The following CIT variants were observed in gnomAD, a reference collection of about 807,000 sequenced individuals.
The protein encoded by CIT is citron Rho-interacting kinase.
CIT carries 79 observed loss-of-function variants against 272.7 expected under a neutral mutation model. The observed-to-expected ratio is 0.29, with a 90% CI of 0.24 to 0.35. The LOEUF is 0.35. Ranked by LOEUF, CIT falls within the 10% of genes least tolerant of loss-of-function variation. The probability of loss-of-function intolerance (pLI) is 1.00; values close to 1 mark genes in which losing one functional copy is unlikely to be tolerated. For synonymous variants in CIT, 948 were observed against 995.6 expected (o/e 0.95, Z 0.90); for missense variants, 1,909 against 2,618.3 (o/e 0.73, Z 5.91).
chr12:119,849,932 C>T (rs1393377899), intron 5 of CIT, among the ~76,000 whole-genome samples: 2 of 152,162 alleles, frequency 1.3e-5, no homozygotes, highest in South Asian at 2.1e-4. Context: ...GTGATCCACC[C>T]GCCTCGGCCT....
chr12:119,862,944 G>A (rs1305696469), intron 3 of CIT, among the ~76,000 whole-genome samples: 1 of 143,246 alleles, frequency 7.0e-6, no homozygotes, highest in African/African-American at 2.6e-5. Flanking sequence ...ACTCACACCT[G>A]TAATCTCAGC....
Position 119,845,943 on chromosome 12 carries a change from A to AACACACACACACAC in CIT, c.516+4217_516+4230dup, listed in dbSNP as rs58381184. On this transcript the variant is annotated intron_variant, in intron 5 of 47. Coordinates refer to ENST00000392521, the MANE Select transcript of CIT (RefSeq NM_001206999.2). ...GCAACACGGCAAGACTCCATCTCAAAACACACACACACACACACACACACA... is the reference window on the plus strand; with the variant it reads ...GCAACACGGCAAGACTCCATCTCAAAACACACACACACACACACACACACACACACACACACACA... Among the ~76,000 whole-genome samples, 220 of 137,042 alleles carry AACACACACACACAC rather than the reference A, an allele frequency of 1.6e-3. 1 individual carries two copies. The highest frequency in any genetic ancestry group is 5.8e-3 in the African/African-American group (208 of 35,874). 89.9% of individuals were successfully genotyped at this position (137,042 alleles called of 152,430 possible).
intron 29 of CIT, among the ~76,000 whole-genome samples, chr12:119,720,993 G>A (rs1006852892): frequency 2.0e-5 from 3 of 152,152 alleles, no homozygotes; most frequent in Non-Finnish European, 2.9e-5. Context: ...TTGAGACAAA[G>A]TCTTGCTCTG....
chr12:119,858,717 G>A (rs1377610828), intron 3 of CIT, among the ~76,000 whole-genome samples: 1 of 151,988 alleles, frequency 6.6e-6, no homozygotes. Context: ...AGCTACTTGG[G>A]AGGCTGAGGC....
intron 3 of CIT, among the ~76,000 whole-genome samples, chr12:119,862,808 TAAA>T (rs1157467178): frequency 0.011 from 117 of 10,222 alleles, no homozygotes; most frequent in Middle Eastern, 0.071. Context: ...AGACTCTACC[TAAA>T]AAAAAAAAAA....
At chr12:119,810,425 C>T (rs780312283) in intron 9 of CIT, among the ~76,000 whole-genome samples, 6 of 152,102 alleles carry the variant, frequency 3.9e-5, no homozygotes, top group Middle Eastern at 3.4e-3. Context: ...TGTGGCTGGG[C>T]GTAGTGGCTC....
At chr12:119,775,757 A>G (rs1372490109) in intron 16 of CIT, 29 bp downstream of exon 16, 11 of 1,582,332 alleles carry the variant, frequency 7.0e-6, no homozygotes, top group Non-Finnish European at 9.5e-6. Flanking sequence ...GGTGGGGGGT[A>G]AGTTCCTGAA....
intron 40 of CIT, among the ~76,000 whole-genome samples, chr12:119,705,327 G>T (rs1050667762): frequency 6.6e-6 from 1 of 152,108 alleles, no homozygotes; most frequent in African/African-American, 2.4e-5. Context: ...CCCTTTTAAC[G>T]TCTCCTGCTA....
chr12:119,729,025 G>A (rs1304773071), intron 27 of CIT, among the ~76,000 whole-genome samples: 1 of 152,152 alleles, frequency 6.6e-6, no homozygotes, highest in Non-Finnish European at 1.5e-5. Flanking sequence ...TGCAAATAAT[G>A]ACTGCTCTGT....
At chr12:119,744,080 T>C (rs1302238744) in intron 23 of CIT, among the ~76,000 whole-genome samples, 1 of 152,202 alleles carries the variant, frequency 6.6e-6, no homozygotes, top group African/African-American at 2.4e-5. Flanking sequence ...AGGTAGAACG[T>C]AGCAGGGAAA....
In CIT at chr12:119,784,271, G is replaced by C; in HGVS notation, c.1402-220C>G. The C allele has an allele frequency of 2.5e-6, 4 of 1,569,724 alleles. No homozygotes were observed. Among genetic ancestry groups the C allele is most frequent in the South Asian group, 2.2e-5 (2 of 89,638 alleles). On this transcript the variant is annotated intron_variant, in intron 11 of 47. Coordinates refer to ENST00000392521, the MANE Select transcript of CIT (RefSeq NM_001206999.2). This position sits in a 1 kb window ranked among gnomAD's most constrained non-coding sequence, Gnocchi z 4.7. ...AAGTCACTCCTCTCATTCAAGTCCC[G>C]GTTCACACTTGATCACTTCTCTAAC... is the stretch of plus-strand genomic sequence containing the variant.
chr12:119,720,517 A>G lies in CIT; in HGVS notation c.3801T>C (p.Phe1267=). Residue 1267 remains phenylalanine, a synonymous_variant, in exon 30 of 48, where the codon TTT becomes TTC. Transcript: ENST00000392521. ...CAGGTTGGTCCATTTTGGCTTGCAGAAAATCAATGAGTTTGGTTTGTTGAG... is the reference window on the plus strand; with the variant it reads ...CAGGTTGGTCCATTTTGGCTTGCAGGAAATCAATGAGTTTGGTTTGTTGAG... The part of the protein sequence containing the change: ...TISQQTKLID[F]LQAKMDQPAK... 2 of 1,611,102 alleles carry G rather than the reference A, an allele frequency of 1.2e-6. No homozygotes were observed. The highest frequency in any genetic ancestry group is 2.7e-5 in the African/African-American group (2 of 74,862).
intron 24 of CIT, among the ~76,000 whole-genome samples, chr12:119,736,980 T>G (rs1429039775): frequency 6.6e-6 from 1 of 152,214 alleles, no homozygotes; most frequent in Admixed American, 6.5e-5. Context: ...TGGGTTGGTT[T>G]CTTCATCTGT....
intron 19 of CIT, among the ~76,000 whole-genome samples, chr12:119,762,103 A>G (rs1961876788): frequency 6.6e-6 from 1 of 152,218 alleles, no homozygotes; most frequent in Non-Finnish European, 1.5e-5. Flanking sequence ...CTGCCTTTCC[A>G]ACAATGTCTA....
intron 17 of CIT, among the ~76,000 whole-genome samples, chr12:119,772,159 T>C (rs1024388841): frequency 2.6e-5 from 4 of 151,632 alleles, no homozygotes; most frequent in Non-Finnish European, 5.9e-5. Context: ...GCACGCCCCT[T>C]CTGTGGGACA....
Position 119,857,509 on chromosome 12 carries a change from T to C in CIT, c.414+14A>G. ...TACAGAAAGTGGAAAAGCATGATGTTAAAATCCTCCTACCTGCTCCTGGGC... is the reference window on the plus strand; with the variant it reads ...TACAGAAAGTGGAAAAGCATGATGTCAAAATCCTCCTACCTGCTCCTGGGC... On this transcript the variant is annotated intron_variant, in intron 4 of 47. Coordinates refer to ENST00000392521, the MANE Select transcript of CIT (RefSeq NM_001206999.2). 1 of 1,613,596 alleles carries C rather than the reference T, an allele frequency of 6.2e-7. No homozygotes were observed. The highest frequency in any genetic ancestry group is 1.3e-5 in the African/African-American group (1 of 75,050).
chr12:119,712,334 T>C lies in CIT; in HGVS notation c.4698A>G (p.Ile1566Met). The C allele has an allele frequency of 6.2e-7, 1 of 1,612,204 alleles. No individual in the cohort carries two copies. Among genetic ancestry groups the C allele is most frequent in the Non-Finnish European group, 8.5e-7 (1 of 1,179,088 alleles). The change falls in exon 37 of 48, where the codon ATA becomes ATG. Residue 1566 changes from isoleucine to methionine, a missense_variant. Coordinates refer to ENST00000392521, the MANE Select transcript of CIT (RefSeq NM_001206999.2). This position sits in a 1 kb window ranked among gnomAD's most constrained non-coding sequence, Gnocchi z 5.2. ...ANTAKADVPY[I>M]LKMESHPHTT... ...TGTGCGGGTGAGATTCCATCTTCAG[T>C]ATGTATGGGACATCTAGGAGATTTC...
In CIT at chr12:119,780,810, C is replaced by A. The variant is rs531270107; in HGVS notation, c.1665+1708G>T. 2.0e-5 allele frequency among the ~76,000 whole-genome samples: 3 copies of A among 152,280 alleles called. No individual in the cohort carries two copies. The South Asian group carries it at 6.2e-4, about 32-fold the overall frequency. On this transcript the variant is annotated intron_variant, in intron 13 of 47. Coordinates refer to ENST00000392521, the MANE Select transcript of CIT (RefSeq NM_001206999.2). ...AAAAGTCATAAAATAAATCCTTGTT[C>A]CGATGAAAAATCAAATCTGAAACCA...
chr12:119,820,407 C>T (rs1197233715), intron 9 of CIT, among the ~76,000 whole-genome samples: 1 of 151,822 alleles, frequency 6.6e-6, no homozygotes, highest in Non-Finnish European at 1.5e-5. Context: ...AAAAAGTAGC[C>T]GGGCATGGTG....
Sources: gnomAD v4.1 joint callset for allele counts (sites outside exome capture counted in the v4.1 genomes callset) on GRCh38, gnomAD v4.1.1 for gene constraint, Gnocchi (gnomAD v3.1) non-coding constraint, MANE v1.5 for transcripts, NCBI Gene and HGNC (gene_info 2026-07-23, HGNC 2026-07-21) for gene names.